The following CCSER2 variants were observed in gnomAD, a reference collection of about 807,000 sequenced individuals.
The protein encoded by CCSER2 is coiled-coil serine rich protein 2, also known as serine-rich coiled-coil domain-containing protein 2.
In CCSER2, 46 loss-of-function variants were observed where a neutral mutation model predicts 92.3. The observed-to-expected ratio is 0.50, with a 90% CI of 0.39 to 0.64. CCSER2 has a LOEUF of 0.64. Among genes scored for constraint, CCSER2 ranks in the 30% least tolerant of loss-of-function variants. The pLI, the probability that CCSER2 is intolerant of heterozygous loss-of-function variation, is 0.00. For missense variants in CCSER2, 1,244 were observed against 1,238.9 expected, an observed-to-expected ratio of 1.00 and a Z score of -0.06; for synonymous variants, 433 against 431.4, an observed-to-expected ratio of 1.00 and a Z score of -0.04.
At chr10:84,492,842 C>T (rs1848247212) in intron 9 of CCSER2, among the ~76,000 whole-genome samples, 1 of 152,052 alleles carries the variant, frequency 6.6e-6, no homozygotes, top group South Asian at 2.1e-4. Context: ...TTATATATTC[C>T]TGAATTCTAG....
chr10:84,371,612 GGCCTA>G lies in CCSER2; in HGVS notation c.562_566del (p.Pro188SerfsTer21), dbSNP rs1846065802. 1.9e-6 allele frequency: 3 copies of G among 1,613,552 alleles called. No homozygotes were observed. The Admixed American group carries it at 5.0e-5, about 27-fold the overall frequency. The stretch of plus-strand genomic sequence containing the variant: ...AACCGATCAGCTGGTAGCATGCAAA[GGCCTA>G]GAGCGAACTCCTGTGCCACCAGAAG... On this transcript the variant is annotated frameshift_variant, in exon 2 of 10. Transcript: ENST00000372088. LOFTEE classifies it high-confidence loss of function.
chr10:84,357,530 A>G (rs1419223478), intron 1 of CCSER2, among the ~76,000 whole-genome samples: 1 of 146,346 alleles, frequency 6.8e-6, no homozygotes, highest in Non-Finnish European at 1.5e-5. Context: ...GCTCACTGCA[A>G]GCTCTGCCTC....
At chr10:84,501,609 A>G (rs1441104205) in intron 9 of CCSER2, among the ~76,000 whole-genome samples, 1 of 149,604 alleles carries the variant, frequency 6.7e-6, no homozygotes, top group Admixed American at 6.7e-5. Flanking sequence ...GTGGCTCTCC[A>G]TTTTCAAGTG....
At position 84,418,385 on chromosome 10, in the gene CCSER2, G is replaced by A. The variant is rs138015474; in HGVS notation, c.1705+524G>A. The stretch of plus-strand genomic sequence containing the variant: ...TTTAGGTAATCCATATGGGAGAGGG[G>A]CCTTAGGTTCTTTTCACTCCAGTGA... On this transcript the variant is annotated intron_variant, in intron 4 of 9. Transcript: ENST00000372088. 6.2e-3 allele frequency among the ~76,000 whole-genome samples: 939 copies of A among 152,178 alleles called. 12 individuals carry two copies. The highest frequency in any genetic ancestry group is 0.022 in the African/African-American group (907 of 41,520).
At chr10:84,345,149 C>A (rs138360978) in intron 1 of CCSER2, among the ~76,000 whole-genome samples, 118 of 152,078 alleles carry the variant, frequency 7.8e-4, no homozygotes, top group Non-Finnish European at 1.3e-3. Context: ...AAACTGAAGG[C>A]GGAAAATTAA....
rs186884659 is a variant in CCSER2 at position 84,465,981 on chromosome 10, G to A, written c.2148+1965G>A. 2.5e-3 allele frequency among the ~76,000 whole-genome samples: 376 copies of A among 152,216 alleles called. 2 individuals carry two copies. The highest frequency in any genetic ancestry group is 0.02 in the Middle Eastern group (6 of 294). ...TCTCAATCTCCTGACCTTGTGATCC[G>A]CCCGCTTCGGCGTCCCAAAGTGCTA... On this transcript the variant is annotated intron_variant, in intron 7 of 9. Transcript: ENST00000372088.
intron 1 of CCSER2, among the ~76,000 whole-genome samples, chr10:84,345,784 T>C (rs2133039750): frequency 6.6e-6 from 1 of 152,286 alleles, no homozygotes; most frequent in Admixed American, 6.5e-5. Context: ...GCCCAAGATA[T>C]TTTACTTTTT....
At chr10:84,461,249 T>G (rs1474198478) in intron 6 of CCSER2, among the ~76,000 whole-genome samples, 2 of 152,204 alleles carry the variant, frequency 1.3e-5, no homozygotes, top group African/African-American at 4.8e-5. Flanking sequence ...TATTAGTTTC[T>G]AGTTAAATTC....
At chr10:84,452,771 G>A (rs1172387755) in intron 6 of CCSER2, among the ~76,000 whole-genome samples, 1 of 152,176 alleles carries the variant, frequency 6.6e-6, no homozygotes, top group Non-Finnish European at 1.5e-5. Flanking sequence ...TTGAATGCAT[G>A]AAGTTATTTC....
chr10:84,378,432 ATT>A (rs386371982), intron 3 of CCSER2, among the ~76,000 whole-genome samples: 100 of 135,928 alleles, frequency 7.4e-4, no homozygotes, highest in Non-Finnish European at 1.3e-3. Context: ...TTAAAATTAA[ATT>A]TTTTTTTTTT....
At chr10:84,455,568 G>A (rs1024293095) in intron 6 of CCSER2, 6 of 450,460 alleles carry the variant, frequency 1.3e-5, no homozygotes, top group African/African-American at 2.0e-5. Flanking sequence ...GAGCTACTGC[G>A]CCCAGCCTTT....
chr10:84,461,452 A>G (rs1017971722), intron 6 of CCSER2, among the ~76,000 whole-genome samples: 1 of 152,062 alleles, frequency 6.6e-6, no homozygotes, highest in African/African-American at 2.4e-5. Context: ...TACTGTCCGC[A>G]TATGTTCCTG....
intron 3 of CCSER2, among the ~76,000 whole-genome samples, chr10:84,377,780 ACTT>A (rs2133198669): frequency 6.6e-6 from 1 of 152,334 alleles, no homozygotes; most frequent in South Asian, 2.1e-4. Flanking sequence ...CTTTAGAAAT[ACTT>A]CTTGCTAATG....
At chr10:84,487,160 T>C (rs1847856906) in intron 9 of CCSER2, among the ~76,000 whole-genome samples, 1 of 152,222 alleles carries the variant, frequency 6.6e-6, no homozygotes, top group Non-Finnish European at 1.5e-5. Flanking sequence ...TGTAGTATAG[T>C]TTGAAGTCAG....
Position 84,372,411 on chromosome 10 carries a change from C to T in CCSER2, c.1359C>T (p.Pro453=), listed in dbSNP as rs1243426752. 1 of 1,591,536 alleles carries T rather than the reference C, an allele frequency of 6.3e-7. No individual in the cohort carries two copies. Among genetic ancestry groups the T allele is most frequent in the South Asian group, 1.2e-5 (1 of 85,842 alleles). Residue 453 remains proline, a synonymous_variant, in exon 2 of 10, where the codon CCC becomes CCT. Transcript: ENST00000372088. ...NGPPQDMFDS[P]KENEKAFSKT... is the part of the protein sequence containing the mutation. ...CACCACAGGATATGTTTGATTCCCC[C>T]AAGGAAAATGAAAAAGCCTTCAGTA...
intron 6 of CCSER2, among the ~76,000 whole-genome samples, chr10:84,458,437 A>G (rs1227871847): frequency 6.6e-6 from 1 of 151,958 alleles, no homozygotes; most frequent in Non-Finnish European, 1.5e-5. Flanking sequence ...TGATTACTGG[A>G]GCTTTATAGT....
chr10:84,509,710 A>G (rs1482378305), intron 9 of CCSER2, among the ~76,000 whole-genome samples: 2 of 152,188 alleles, frequency 1.3e-5, no homozygotes, highest in African/African-American at 4.8e-5. Flanking sequence ...CACAAGTTTC[A>G]GGATTAAAGT....
At chr10:84,477,030 A>G (rs1847189689) in intron 8 of CCSER2, among the ~76,000 whole-genome samples, 1 of 152,246 alleles carries the variant, frequency 6.6e-6, no homozygotes, top group African/African-American at 2.4e-5. Flanking sequence ...GAGTCCCATT[A>G]AAATATGGAT....
At chr10:84,397,919 A>T (rs1841926266) in intron 3 of CCSER2, among the ~76,000 whole-genome samples, 1 of 152,202 alleles carries the variant, frequency 6.6e-6, no homozygotes, top group South Asian at 2.1e-4. Flanking sequence ...TATAGGATTG[A>T]CTCTAAAACA....
Sources: allele counts gnomAD v4.1 joint callset (sites outside exome capture counted in the v4.1 genomes callset), GRCh38; gene constraint gnomAD v4.1.1; transcripts MANE v1.5; gene names NCBI Gene and HGNC (gene_info 2026-07-23, HGNC 2026-07-21).